HLCS: variants seen among roughly 807,000 people sequenced by gnomAD.
HLCS encodes the protein holocarboxylase synthetase.
In HLCS, 53 loss-of-function variants were observed where a neutral mutation model predicts 75.0. That is an observed-to-expected ratio of 0.71 (90% CI 0.57 to 0.89). The LOEUF (loss-of-function observed/expected upper bound fraction) is 0.89. Among genes scored for constraint, HLCS ranks in the 40% least tolerant of loss-of-function variants. The pLI is 0.00. For missense variants in HLCS, 966 were observed against 1,074.0 expected (o/e 0.90, Z 1.41); for synonymous variants, 431 against 428.6 (o/e 1.01, Z -0.07).
chr21:36,750,449 T>C lies in HLCS; in HGVS notation c.*3797A>G, dbSNP rs769789802. Among the ~76,000 whole-genome samples the C allele has an allele frequency of 6.6e-6, 1 of 152,186 alleles. No individual in the cohort carries two copies. The highest frequency in any genetic ancestry group is 1.5e-5 in the Non-Finnish European group (1 of 68,026). Reference sequence around the variant, plus strand: ...GGTGTGGAGGGCAGCGCGGAGGGTATCTGCAAGAGCCTGTATTTTCCGCCT... The same window carrying C: ...GGTGTGGAGGGCAGCGCGGAGGGTACCTGCAAGAGCCTGTATTTTCCGCCT... On this transcript the variant is annotated 3_prime_UTR_variant, in exon 11 of 11. Coordinates refer to ENST00000674895, the MANE Select transcript of HLCS (RefSeq NM_001352514.2).
intron 2 of HLCS, among the ~76,000 whole-genome samples, chr21:36,940,250 T>C (rs752064522): frequency 6.6e-6 from 1 of 152,206 alleles, no homozygotes; most frequent in Non-Finnish European, 1.5e-5. Context: ...CCATGAACGA[T>C]TGCTCTACTT....
intron 1 of HLCS, among the ~76,000 whole-genome samples, chr21:36,988,818 C>A (rs2069277017): frequency 6.6e-6 from 1 of 152,002 alleles, no homozygotes; most frequent in African/African-American, 2.4e-5. Flanking sequence ...CATTGAAGGG[C>A]CAGTTTTATG....
chr21:36,838,860 G>GC, intron 6 of HLCS, among the ~76,000 whole-genome samples: 1 of 152,178 alleles, frequency 6.6e-6, no homozygotes, highest in Non-Finnish European at 1.5e-5. Flanking sequence ...AAGGAACGGG[G>GC]CCTCCCCTGG....
intron 6 of HLCS, among the ~76,000 whole-genome samples, chr21:36,859,224 T>C (rs2063303973): frequency 6.6e-6 from 1 of 152,188 alleles, no homozygotes; most frequent in African/African-American, 2.4e-5. Flanking sequence ...GGTTTCACCA[T>C]GTTGGTCAGG....
At chr21:36,802,306 A>G (rs1033729704) in intron 6 of HLCS, among the ~76,000 whole-genome samples, 2 of 152,182 alleles carry the variant, frequency 1.3e-5, no homozygotes, top group Admixed American at 6.5e-5. Context: ...AGCGTACTTC[A>G]TGTCCATCTG....
intron 6 of HLCS, among the ~76,000 whole-genome samples, chr21:36,882,620 C>CTTT (rs35012674): frequency 4.9e-4 from 51 of 104,310 alleles, no homozygotes; most frequent in African/African-American, 6.2e-4. Flanking sequence ...TTCTTTCTTT[C>CTTT]TTTTTTTTTT....
intron 5 of HLCS, among the ~76,000 whole-genome samples, chr21:36,907,823 T>C (rs2065524763): frequency 6.6e-6 from 1 of 152,112 alleles, no homozygotes; most frequent in African/African-American, 2.4e-5. Flanking sequence ...ACTTAAAGCC[T>C]GAGCAAAAGA....
At position 36,937,010 on chromosome 21, in the gene HLCS, C is replaced by T. The variant is rs1205393124; in HGVS notation, c.876G>A (p.Glu292=). Residue 292 remains glutamate (E), a synonymous_variant, in exon 4 of 11, where the codon GAG becomes GAA. Coordinates refer to ENST00000674895, the MANE Select transcript of HLCS (RefSeq NM_001352514.2). The stretch of plus-strand genomic sequence containing the variant: ...TCCTCCCTTCTCTTTCGGGGGAGGT[C>T]TCATCAGCAACACTCTCCAAACTGC... The part of the protein sequence containing the change: ...YSSSLESVAD[E]TSPEREGRRV... 1 of 1,614,048 alleles carries T rather than the reference C, an allele frequency of 6.2e-7. No homozygotes were observed. Among genetic ancestry groups the T allele is most frequent in the Non-Finnish European group, 8.5e-7 (1 of 1,180,006 alleles).
At chr21:36,918,412 G>A (rs1006558288) in intron 5 of HLCS, among the ~76,000 whole-genome samples, 4 of 152,190 alleles carry the variant, frequency 2.6e-5, no homozygotes, top group Admixed American at 2.0e-4. Flanking sequence ...AGAAGGAGAC[G>A]CCATCAGCTT....
rs1204160824 is a variant in HLCS at position 36,752,638 on chromosome 21, T to G, written c.*1608A>C. ...GGCATTTGGAGAAGAGTGGTTTTTT[T>G]TGTGTTTTTTGTTTGTTTGTTTTTT... On this transcript the variant is annotated 3_prime_UTR_variant, in exon 11 of 11. Transcript: ENST00000674895. 4 of 152,560 alleles carry G rather than the reference T, an allele frequency of 2.6e-5. No individual in the cohort carries two copies. Among genetic ancestry groups the G allele is most frequent in the East Asian group, 1.9e-4 (1 of 5,202 alleles). The allele number at this position is 152,560 out of a possible 1,614,324, so 9.5% of individuals were successfully genotyped here.
At chr21:36,908,522 T>C (rs372443221) in intron 5 of HLCS, among the ~76,000 whole-genome samples, 1 of 152,186 alleles carries the variant, frequency 6.6e-6, no homozygotes, top group East Asian at 1.9e-4. Flanking sequence ...CAGTTTCTTG[T>C]AAAGTTAAAC....
chr21:36,751,806 T>A lies in HLCS; in HGVS notation c.*2440A>T, dbSNP rs2089378460. Reference sequence around the variant, plus strand: ...CGTTACCAGCCTGGAAGGGAGGATATCTTGCCTTTTACAAAATACGGTCGA... The same window carrying A: ...CGTTACCAGCCTGGAAGGGAGGATAACTTGCCTTTTACAAAATACGGTCGA... On this transcript the variant is annotated 3_prime_UTR_variant, in exon 11 of 11. Transcript: ENST00000674895. The A allele has an allele frequency of 6.6e-6, 1 of 152,158 alleles. No homozygotes were observed. 9.4% of individuals were successfully genotyped at this position (152,158 alleles called of 1,614,324 possible).
At chr21:36,987,269 C>T (rs2069245578) in intron 1 of HLCS, among the ~76,000 whole-genome samples, 1 of 152,056 alleles carries the variant, frequency 6.6e-6, no homozygotes, top group Admixed American at 6.5e-5. Context: ...CTTGGGTGGC[C>T]CTGCTCCCCA....
At chr21:36,836,425 T>C (rs1024839010) in intron 6 of HLCS, among the ~76,000 whole-genome samples, 1 of 150,704 alleles carries the variant, frequency 6.6e-6, no homozygotes, top group African/African-American at 2.4e-5. Flanking sequence ...ACTCGTCATC[T>C]AGCATTAGGT....
chr21:36,940,377 C>G (rs73901970), intron 2 of HLCS, among the ~76,000 whole-genome samples: 5,880 of 152,046 alleles, frequency 0.039, 239 homozygotes, highest in African/African-American at 0.11. Flanking sequence ...AGTACTCGCT[C>G]TATCACCCAG....
chr21:36,806,506 G>A (rs995381429), intron 6 of HLCS, among the ~76,000 whole-genome samples: 4 of 152,188 alleles, frequency 2.6e-5, no homozygotes, highest in African/African-American at 9.7e-5. Context: ...GTGACGGTCA[G>A]TGTGCTATCT....
In HLCS at chr21:36,838,457, G is replaced by A. The variant is rs149170004; in HGVS notation, c.1892+58403C>T. Reference sequence around the variant, plus strand: ...GCAGTGGTTCATGCCTGTAATCTCAGCACTTTGGGAGGCCGAGGCGGGCAG... The same window carrying A: ...GCAGTGGTTCATGCCTGTAATCTCAACACTTTGGGAGGCCGAGGCGGGCAG... On this transcript the variant is annotated intron_variant, in intron 6 of 10. Transcript: ENST00000674895. 4.2e-3 allele frequency among the ~76,000 whole-genome samples: 646 copies of A among 152,286 alleles called. 4 individuals carry two copies. Among genetic ancestry groups the A allele is most frequent in the African/African-American group, 0.015 (610 of 41,564 alleles).
chr21:36,886,470 G>A (rs562148286), intron 6 of HLCS, among the ~76,000 whole-genome samples: 132 of 150,604 alleles, frequency 8.8e-4, no homozygotes, highest in African/African-American at 3.1e-3. Flanking sequence ...GGTGCTATGG[G>A]TTTGAAAGAG....
At chr21:36,935,742 G>C (rs527577420) in intron 4 of HLCS, among the ~76,000 whole-genome samples, 2 of 152,252 alleles carry the variant, frequency 1.3e-5, no homozygotes, top group Admixed American at 6.5e-5. Flanking sequence ...GCTACCGTTT[G>C]CTTAAACAAA....
Sources: allele counts gnomAD v4.1 joint callset (sites outside exome capture counted in the v4.1 genomes callset), GRCh38; gene constraint gnomAD v4.1.1; transcripts MANE v1.5; gene names NCBI Gene and HGNC (gene_info 2026-07-23, HGNC 2026-07-21).